Variants in RYR2 observed in about 807,000 individuals in gnomAD.
RYR2 encodes the protein cardiac muscle ryanodine receptor-calcium release channel.
RYR2 carries 227 observed loss-of-function variants against 601.1 expected under a neutral mutation model. The ratio of observed to expected loss-of-function variants is 0.38; its 90% CI spans 0.34 to 0.42. RYR2 has a LOEUF of 0.42. RYR2 is among the 10% of genes least tolerant of loss of function. RYR2 has a pLI of 1.00. For synonymous variants in RYR2, 2,223 were observed against 2,175.1 expected, an observed-to-expected ratio of 1.02 and a Z score of -0.61; for missense variants, 4,646 against 6,156.5, an observed-to-expected ratio of 0.75 and a Z score of 8.21.
At chr1:237,202,232 T>C (rs1572185741) in intron 1 of RYR2, among the ~76,000 whole-genome samples, 1 of 152,220 alleles carries the variant, frequency 6.6e-6, no homozygotes, top group South Asian at 2.1e-4. Flanking sequence ...GAATATATTT[T>C]TGTGTCTGAT....
At chr1:237,451,249 G>A (rs533887251) in intron 14 of RYR2, among the ~76,000 whole-genome samples, 3 of 152,112 alleles carry the variant, frequency 2.0e-5, no homozygotes, top group South Asian at 2.1e-4. Flanking sequence ...AGAATGCTAC[G>A]CAACCAGTAA....
At chr1:237,656,375 A>G (rs1683249991) in intron 53 of RYR2, among the ~76,000 whole-genome samples, 1 of 152,224 alleles carries the variant, frequency 6.6e-6, no homozygotes, top group African/African-American at 2.4e-5. Context: ...TTCTGCGAGT[A>G]GCAAGGGAAT....
chr1:237,651,590 A>G, intron 51 of RYR2, 89 bp downstream of exon 51: 1 of 832,236 alleles, frequency 1.2e-6, no homozygotes. Flanking sequence ...TAGATACATC[A>G]TGCTTGACGC....
At chr1:237,562,337 A>G (rs1258579265) in intron 27 of RYR2, among the ~76,000 whole-genome samples, 1 of 152,222 alleles carries the variant, frequency 6.6e-6, no homozygotes, top group Non-Finnish European at 1.5e-5. Flanking sequence ...AAGATTCTAG[A>G]TATGTATAAA....
chr1:237,455,447 C>T (rs1053964276), intron 15 of RYR2, among the ~76,000 whole-genome samples: 10 of 151,904 alleles, frequency 6.6e-5, no homozygotes, highest in East Asian at 1.9e-4. Context: ...GGGCAAGGGT[C>T]GAGAAACTAC....
chr1:237,416,945 A>G, intron 10 of RYR2, 104 bp from the exon 11 acceptor site: 1 of 899,956 alleles, frequency 1.1e-6, no homozygotes, highest in African/African-American at 1.6e-5. Flanking sequence ...CTGTTTACTC[A>G]CAGGCCATTT....
intron 2 of RYR2, among the ~76,000 whole-genome samples, chr1:237,320,697 CT>C (rs1473755610): frequency 6.6e-6 from 1 of 152,200 alleles, no homozygotes; most frequent in Non-Finnish European, 1.5e-5. Context: ...ATTGTATCTC[CT>C]ATGGAAGTGG....
chr1:237,150,980 G>T (rs972337300), intron 1 of RYR2, among the ~76,000 whole-genome samples: 1 of 152,096 alleles, frequency 6.6e-6, no homozygotes, highest in African/African-American at 2.4e-5. Context: ...AGATCTCAGG[G>T]TTTCGATTTT....
chr1:237,592,040 T>C (rs997817194), intron 32 of RYR2, among the ~76,000 whole-genome samples, 187 bp downstream of exon 32: 9 of 152,202 alleles, frequency 5.9e-5, no homozygotes, highest in African/African-American at 2.2e-4. Context: ...TATTATGCAA[T>C]ACAAGAGTTA....
At chr1:237,680,744 G>A (rs1685804550) in intron 62 of RYR2, among the ~76,000 whole-genome samples, 167 bp downstream of exon 62, 1 of 152,118 alleles carries the variant, frequency 6.6e-6, no homozygotes, top group East Asian at 1.9e-4. Flanking sequence ...CTACAAGTTT[G>A]GATATGTGTT....
chr1:237,633,383 T>C (rs1051166291), intron 42 of RYR2, among the ~76,000 whole-genome samples, 195 bp from the exon 43 acceptor site: 2 of 152,208 alleles, frequency 1.3e-5, no homozygotes, highest in African/African-American at 2.4e-5. Flanking sequence ...GTTTCTGAAT[T>C]AGTGCCAGGC....
chr1:237,579,022 A>G (rs2997968), intron 29 of RYR2, among the ~76,000 whole-genome samples: 88,201 of 125,120 alleles, frequency 0.7, 28,274 homozygotes, highest in Non-Finnish European at 0.78. Flanking sequence ...GCTTAGAGGG[A>G]AAAAAAAAGA....
Position 237,627,907 on chromosome 1 carries a change from T to G in RYR2, c.6267T>G (p.His2089Gln). ...TGAGGGCCATGTTTGTGTTGCTCCATCGGCAGTATGACGGCATTGGGGGTC... is the reference window on the plus strand; with the variant it reads ...TGAGGGCCATGTTTGTGTTGCTCCAGCGGCAGTATGACGGCATTGGGGGTC... ...ELVRAMFVLL[H>Q]RQYDGIGGLV... Residue 2089 changes from histidine (H) to glutamine (Q), a missense_variant, in exon 41 of 105, where the codon CAT (histidine) becomes CAG (glutamine). His to Gln is a conservative substitution (Grantham distance 24). Around this residue, in one of 17 missense-constraint regions of RYR2, gnomAD observed 170 missense variants for 184.5 expected, o/e 0.92. Transcript: ENST00000366574. The G allele has an allele frequency of 6.2e-7, 1 of 1,613,890 alleles. No homozygotes were observed. The highest frequency in any genetic ancestry group is 8.5e-7 in the Non-Finnish European group (1 of 1,179,882).
chr1:237,325,116 A>T (rs73127289), intron 2 of RYR2, among the ~76,000 whole-genome samples: 1 of 151,998 alleles, frequency 6.6e-6, no homozygotes, highest in African/African-American at 2.4e-5. Flanking sequence ...GTCATGAGGT[A>T]GAGTGGGATC....
intron 10 of RYR2, among the ~76,000 whole-genome samples, chr1:237,390,887 A>ACG (rs1702319074): frequency 6.6e-6 from 1 of 152,110 alleles, no homozygotes; most frequent in African/African-American, 2.4e-5. Context: ...GGTGGTAAGA[A>ACG]CGCGTTTGTT....
At chr1:237,825,884 C>T (rs145642176) in intron 101 of RYR2, among the ~76,000 whole-genome samples, 5,879 of 152,092 alleles carry the variant, frequency 0.039, 383 homozygotes, top group African/African-American at 0.13. Flanking sequence ...TCTCAAAAGA[C>T]GACATTTATG....
chr1:237,472,977 AT>A (rs34019010), intron 17 of RYR2, among the ~76,000 whole-genome samples: 69,800 of 151,496 alleles, frequency 0.46, 17,885 homozygotes, highest in East Asian at 0.71. Context: ...AACACCAATT[AT>A]TTTTTCCACC....
intron 84 of RYR2, 101 bp downstream of exon 84, chr1:237,761,129 T>C (rs569057601): frequency 1.3e-6 from 1 of 749,272 alleles, no homozygotes; most frequent in East Asian, 2.8e-5. Flanking sequence ...GAAGTTATTT[T>C]AAAGTTGATG....
At chr1:237,436,714 A>G (rs1707417943) in intron 12 of RYR2, among the ~76,000 whole-genome samples, 1 of 151,320 alleles carries the variant, frequency 6.6e-6, no homozygotes, top group Non-Finnish European at 1.5e-5. Context: ...TAAAAACTCC[A>G]TCATCTGAGG....
Sources: allele counts gnomAD v4.1 joint callset (sites outside exome capture counted in the v4.1 genomes callset), GRCh38; gene constraint gnomAD v4.1.1; regional missense constraint gnomAD v4.1.1; transcripts MANE v1.5; gene names NCBI Gene and HGNC (gene_info 2026-07-23, HGNC 2026-07-21).